Variants in ARHGAP6 observed in about 807,000 individuals in gnomAD.
The protein encoded by ARHGAP6 is Rho GTPase activating protein 6.
In ARHGAP6, 16 loss-of-function variants were observed where a neutral mutation model predicts 55.7. That is an observed-to-expected ratio of 0.29 (90% CI 0.19 to 0.44). ARHGAP6 has a LOEUF of 0.44. Ranked by LOEUF, ARHGAP6 falls within the 20% of genes least tolerant of loss-of-function variation. The pLI, the probability that ARHGAP6 is intolerant of heterozygous loss-of-function variation, is 1.00. For missense variants in ARHGAP6, 698 were observed against 808.9 expected (o/e 0.86, Z 1.66); for synonymous variants, 382 against 360.9 (o/e 1.06, Z -0.66).
intron 1 of ARHGAP6, among the ~76,000 whole-genome samples, chrX:11,430,817 G>A (rs192537411): frequency 1.9e-3 from 216 of 112,051 alleles, no homozygotes; most frequent in African/African-American, 6.5e-3. Flanking sequence ...TGGTGATGAA[G>A]TCAGGGCTTT....
chrX:11,618,851 G>A (rs906373621), intron 1 of ARHGAP6, among the ~76,000 whole-genome samples: 1 of 111,612 alleles, frequency 9.0e-6, no homozygotes, highest in Non-Finnish European at 1.9e-5. Context: ...CTAAGTGGAA[G>A]GAGGAGCATA....
intron 1 of ARHGAP6, among the ~76,000 whole-genome samples, chrX:11,305,372 TA>T (rs1004852740): frequency 3.6e-5 from 4 of 112,174 alleles, no homozygotes; most frequent in East Asian, 2.8e-4. Context: ...ATCTATAAAA[TA>T]AAAAAAGTAA....
chrX:11,603,168 C>T (rs984060891), intron 1 of ARHGAP6, among the ~76,000 whole-genome samples: 4 of 111,408 alleles, frequency 3.6e-5, no homozygotes, highest in South Asian at 3.8e-4. Flanking sequence ...TCCATCTCAC[C>T]GGTAGTGGCT....
At chrX:11,263,530 C>A (rs191553865) in intron 1 of ARHGAP6, among the ~76,000 whole-genome samples, 1 of 111,781 alleles carries the variant, frequency 8.9e-6, no homozygotes, top group African/African-American at 3.3e-5. Context: ...GCAAGTTTTA[C>A]AAGGTGATAA....
At chrX:11,552,599 T>TATATATATATATAC (rs1491079107) in intron 1 of ARHGAP6, among the ~76,000 whole-genome samples, 6 of 48,221 alleles carry the variant, frequency 1.2e-4, no homozygotes, top group Non-Finnish European at 2.3e-4. Flanking sequence ...TATATATATA[T>TATATATATATATAC]AGACACACAC....
intron 1 of ARHGAP6, among the ~76,000 whole-genome samples, chrX:11,525,603 A>T (rs2050981217): frequency 8.9e-6 from 1 of 112,062 alleles, no homozygotes; most frequent in Admixed American, 9.5e-5. Flanking sequence ...AGACTGAGTG[A>T]ATACATTGTT....
intron 1 of ARHGAP6, among the ~76,000 whole-genome samples, chrX:11,506,248 T>C (rs2050730651): frequency 9.0e-6 from 1 of 111,179 alleles, no homozygotes; most frequent in East Asian, 2.8e-4. Flanking sequence ...ATAGTCTCCT[T>C]TTTTATATAT....
At chrX:11,605,650 C>T (rs2052027410) in intron 1 of ARHGAP6, among the ~76,000 whole-genome samples, 1 of 111,635 alleles carries the variant, frequency 9.0e-6, no homozygotes, top group East Asian at 2.8e-4. Flanking sequence ...ATTTCAAGAG[C>T]TTTTCCTCTA....
intron 1 of ARHGAP6, among the ~76,000 whole-genome samples, chrX:11,564,069 T>C (rs67489037): frequency 0.28 from 31,034 of 110,497 alleles, 3,440 homozygotes; most frequent in Middle Eastern, 0.39. Flanking sequence ...TAAAAAGTGC[T>C]TTTATTCCAA....
chrX:11,403,538 CTTTTTA>C (rs1379495097), intron 1 of ARHGAP6, among the ~76,000 whole-genome samples: 2 of 111,856 alleles, frequency 1.8e-5, no homozygotes, highest in African/African-American at 6.5e-5. Flanking sequence ...ATTACTGTTT[CTTTTTA>C]TTTTTAAACT....
intron 12 of ARHGAP6, among the ~76,000 whole-genome samples, chrX:11,141,821 T>C (rs1284459349): frequency 8.9e-6 from 1 of 112,412 alleles, no homozygotes; most frequent in Non-Finnish European, 1.9e-5. Flanking sequence ...ATTAATAATT[T>C]GAAAAATTAA....
Position 11,510,412 on chromosome X carries a change from G to T in ARHGAP6, c.588+153829C>A, listed in dbSNP as rs1056830722. ...GATATTTTCCTGCCTGCTGATTTTG[G>T]ATTTGGCCATGCGATAGTATGGAAT... On this transcript the variant is annotated intron_variant, in intron 1 of 12. Transcript: ENST00000337414. Among the ~76,000 whole-genome samples the T allele has an allele frequency of 2.7e-5, 3 of 110,974 alleles. No individual in the cohort carries two copies. In the Admixed American group the frequency reaches 2.9e-4, roughly 11 times the overall value.
intron 2 of ARHGAP6, among the ~76,000 whole-genome samples, chrX:11,205,323 C>T (rs1312751756): frequency 4.5e-5 from 5 of 111,712 alleles, no homozygotes; most frequent in African/African-American, 1.6e-4. Context: ...TAGTGGATCC[C>T]TGGTCTCCAC....
At chrX:11,196,786 C>T in intron 3 of ARHGAP6, 139 bp downstream of exon 3, 2 of 477,354 alleles carry the variant, frequency 4.2e-6, no homozygotes, top group South Asian at 5.8e-5. Flanking sequence ...CAAAACAGCC[C>T]TTAATGACAT....
intron 2 of ARHGAP6, among the ~76,000 whole-genome samples, chrX:11,207,730 G>T (rs1421855499): frequency 8.9e-6 from 1 of 111,914 alleles, no homozygotes; most frequent in Admixed American, 9.5e-5. Flanking sequence ...CTGAAGCTTG[G>T]GTAATATACA....
intron 1 of ARHGAP6, chrX:11,265,717 T>C: frequency 1.1e-6 from 1 of 893,648 alleles, no homozygotes; most frequent in Non-Finnish European, 1.4e-6. Flanking sequence ...GTCTTTGCTG[T>C]CCTCTCTAAT....
At chrX:11,456,821 A>G (rs975883258) in intron 1 of ARHGAP6, among the ~76,000 whole-genome samples, 2 of 112,744 alleles carry the variant, frequency 1.8e-5, no homozygotes, top group Non-Finnish European at 3.7e-5. Context: ...ATTACAAAAT[A>G]GAAAACGTGT....
chrX:11,310,210 T>TAA (rs34393222), intron 1 of ARHGAP6, among the ~76,000 whole-genome samples: 2,507 of 89,083 alleles, frequency 0.028, 37 homozygotes, highest in Middle Eastern at 0.081. Context: ...AGGATAGCTT[T>TAA]AAAAAAAAAA....
intron 1 of ARHGAP6, among the ~76,000 whole-genome samples, chrX:11,307,432 T>A (rs2048249652): frequency 8.9e-6 from 1 of 112,058 alleles, no homozygotes; most frequent in Non-Finnish European, 1.9e-5. Flanking sequence ...CTACAAATGT[T>A]AGCTATCAAG....
Sources: gnomAD v4.1 joint callset for allele counts (sites outside exome capture counted in the v4.1 genomes callset) on GRCh38, gnomAD v4.1.1 for gene constraint, MANE v1.5 for transcripts, NCBI Gene and HGNC (gene_info 2026-07-23, HGNC 2026-07-21) for gene names.